Variants in TPO observed in about 807,000 individuals in gnomAD.
The protein encoded by TPO is thyroid microsomal antigen.
In TPO, 78 loss-of-function variants were observed where a neutral mutation model predicts 96.9. The observed-to-expected ratio is 0.81, with a 90% CI of 0.67 to 0.97. The LOEUF (loss-of-function observed/expected upper bound fraction) is 0.97. Ranked by LOEUF, TPO falls within the 50% of genes least tolerant of loss-of-function variation. The probability of loss-of-function intolerance (pLI) is 0.00; values close to 1 mark genes in which losing one functional copy is unlikely to be tolerated. For missense variants in TPO, 1,252 were observed against 1,274.8 expected, an observed-to-expected ratio of 0.98 and a Z score of 0.27; for synonymous variants, 547 against 538.0, an observed-to-expected ratio of 1.02 and a Z score of -0.23.
chr2:1,426,578 T>G (rs1664430140), intron 3 of TPO, among the ~76,000 whole-genome samples: 1 of 152,250 alleles, frequency 6.6e-6, no homozygotes, highest in African/African-American at 2.4e-5. Context: ...TTTCATATTC[T>G]CAGAAGTCCA....
At chr2:1,512,097 G>A (rs1453580660) in intron 14 of TPO, among the ~76,000 whole-genome samples, 1 of 151,556 alleles carries the variant, frequency 6.6e-6, no homozygotes, top group Admixed American at 6.6e-5. Flanking sequence ...GCAGTGGCGC[G>A]ATCTCAGCCC....
chr2:1,506,669 G>A (rs1423625211), intron 14 of TPO, among the ~76,000 whole-genome samples: 2 of 152,162 alleles, frequency 1.3e-5, no homozygotes, highest in Non-Finnish European at 2.9e-5. Flanking sequence ...TTTTTTGGCT[G>A]CATAAATGTC....
chr2:1,453,641 C>T (rs1476510133), intron 5 of TPO, 53 bp from the exon 6 acceptor site: 2 of 1,613,182 alleles, frequency 1.2e-6, no homozygotes, highest in Non-Finnish European at 1.7e-6. Context: ...GAACTCACTG[C>T]TTCTGTGTTC....
chr2:1,474,042 C>T (rs1409207842), intron 7 of TPO, among the ~76,000 whole-genome samples: 1 of 152,130 alleles, frequency 6.6e-6, no homozygotes, highest in African/African-American at 2.4e-5. Context: ...TGAGATAGTA[C>T]TAAGTACCAA....
chr2:1,496,980 G>A (rs1346029341), intron 13 of TPO, among the ~76,000 whole-genome samples: 1 of 152,178 alleles, frequency 6.6e-6, no homozygotes, highest in Non-Finnish European at 1.5e-5. Context: ...GGACAGGCAC[G>A]TGGAATCGTG....
chr2:1,542,639 T>A lies in TPO; in HGVS notation c.*165T>A. On this transcript the variant is annotated 3_prime_UTR_variant, in exon 17 of 17. Transcript: ENST00000329066. ...ACTCTCAGGCATGGATGAATAAATG[T>A]TATAGCTGCATTTGTCTGGCCTTTT... is the stretch of plus-strand genomic sequence containing the variant. 1 of 1,542,914 alleles carries A rather than the reference T, an allele frequency of 6.5e-7. No individual in the cohort carries two copies. The highest frequency in any genetic ancestry group is 8.8e-7 in the Non-Finnish European group (1 of 1,140,210).
At chr2:1,376,672 C>A (rs1406093814) in intron 1 of TPO, among the ~76,000 whole-genome samples, 2 of 152,178 alleles carry the variant, frequency 1.3e-5, no homozygotes, top group Non-Finnish European at 2.9e-5. Flanking sequence ...CACCCTCCAC[C>A]TCCCAGACCC....
intron 7 of TPO, among the ~76,000 whole-genome samples, chr2:1,460,318 A>G (rs1400652175): frequency 6.6e-6 from 1 of 152,154 alleles, no homozygotes; most frequent in Non-Finnish European, 1.5e-5. Context: ...AAGTACCTGT[A>G]TCTTCAGCAA....
At chr2:1,518,504 G>A (rs28913025) in intron 15 of TPO, among the ~76,000 whole-genome samples, 128 of 152,306 alleles carry the variant, frequency 8.4e-4, no homozygotes, top group African/African-American at 3.0e-3. Context: ...GCTGAGATAT[G>A]GTAGTAAAGC....
chr2:1,445,122 G>A (rs1405226629), intron 5 of TPO, among the ~76,000 whole-genome samples: 26 of 48,540 alleles, frequency 5.4e-4, no homozygotes, highest in African/African-American at 1.6e-3. Context: ...CTTCTTGTTT[G>A]TATGATCCAG....
chr2:1,487,978 C>G lies in TPO; in HGVS notation c.1755C>G (p.Asp585Glu). The G allele has an allele frequency of 1.2e-6, 2 of 1,613,214 alleles. No homozygotes were observed. Among genetic ancestry groups the G allele is most frequent in the East Asian group, 2.2e-5 (1 of 44,868 alleles). ...CCATCAACCTGCAGAGGGGCCGGGA[C>G]CACGGGCTGCCAGGTCTGCCAGTTC... ...LASINLQRGR[D>E]HGLPGYNEWR... Residue 585 changes from aspartate to glutamate, a missense_variant, in exon 10 of 17, where the codon GAC (aspartate) becomes GAG (glutamate). Physicochemically the swap from Asp to Glu is conservative, Grantham distance 45. Transcript: ENST00000329066.
At chr2:1,467,629 C>T (rs1669023465) in intron 7 of TPO, among the ~76,000 whole-genome samples, 1 of 152,070 alleles carries the variant, frequency 6.6e-6, no homozygotes, top group African/African-American at 2.4e-5. Context: ...TCAGAGAAAG[C>T]TCCATGTGCT....
At chr2:1,461,976 C>T (rs977979563) in intron 7 of TPO, among the ~76,000 whole-genome samples, 27 of 152,258 alleles carry the variant, frequency 1.8e-4, no homozygotes, top group Admixed American at 9.1e-4. Flanking sequence ...AAGGGAAAGG[C>T]GGGTGCTCTC....
In TPO at chr2:1,456,291, T is replaced by C; in HGVS notation, c.819+9T>C. On this transcript the variant is annotated intron_variant, in intron 7 of 16. Coordinates refer to ENST00000329066, the MANE Select transcript of TPO (RefSeq NM_001206744.2). ...CATGTTTTCCCATACAAGTAAGTTT[T>C]AGAAAACGTTTCTATGTTTGTTATG... 6.2e-7 allele frequency: 1 copy of C among 1,613,810 alleles called. No homozygotes were observed. Among genetic ancestry groups the C allele is most frequent in the Non-Finnish European group, 8.5e-7 (1 of 1,179,746 alleles).
At chr2:1,392,257 A>G (rs762385149) in intron 1 of TPO, among the ~76,000 whole-genome samples, 8 of 152,212 alleles carry the variant, frequency 5.3e-5, no homozygotes, top group Non-Finnish European at 1.2e-4. Flanking sequence ...ATCTATTGAG[A>G]TAATCCTGTG....
chr2:1,504,198 A>T, intron 14 of TPO, 119 bp downstream of exon 14: 1 of 1,567,856 alleles, frequency 6.4e-7, no homozygotes, highest in Non-Finnish European at 8.6e-7. Flanking sequence ...GCGGAGATGA[A>T]TAAGACACCA....
intron 1 of TPO, among the ~76,000 whole-genome samples, chr2:1,407,004 G>A (rs1662258778): frequency 6.6e-6 from 1 of 152,180 alleles, no homozygotes; most frequent in East Asian, 1.9e-4. Context: ...TGGAGGTTGA[G>A]AGGCAGACAC....
At chr2:1,414,196 G>A (rs1305197827) in intron 1 of TPO, among the ~76,000 whole-genome samples, 1 of 152,142 alleles carries the variant, frequency 6.6e-6, no homozygotes, top group African/African-American at 2.4e-5. Flanking sequence ...TGGGGGCCTG[G>A]GAGGCCTGCT....
At chr2:1,533,247 CCCA>C (rs1678760517) in intron 15 of TPO, among the ~76,000 whole-genome samples, 3 of 76,860 alleles carry the variant, frequency 3.9e-5, no homozygotes, top group Non-Finnish European at 6.8e-5. Flanking sequence ...CCCCAAATCC[CCCA>C]CACTATGTGC....
Sources: allele counts gnomAD v4.1 joint callset (sites outside exome capture counted in the v4.1 genomes callset), GRCh38; gene constraint gnomAD v4.1.1; transcripts MANE v1.5; gene names NCBI Gene and HGNC (gene_info 2026-07-23, HGNC 2026-07-21).